Variants in MEGF11 observed in about 807,000 individuals in gnomAD.
The protein encoded by MEGF11 is multiple epidermal growth factor-like domains protein 11.
A neutral mutation model predicts 146.6 loss-of-function variants in MEGF11; 126 were observed. The ratio of observed to expected loss-of-function variants is 0.86; its 90% CI spans 0.74 to 1.00. The LOEUF (loss-of-function observed/expected upper bound fraction) is 1.00, where lower values mean the gene tolerates loss of function less well. MEGF11 is among the 50% of genes least tolerant of loss of function. The probability of loss-of-function intolerance (pLI) is 0.00; values close to 1 mark genes in which losing one functional copy is unlikely to be tolerated. For synonymous variants in MEGF11, 532 were observed against 583.4 expected (o/e 0.91, Z 1.27); for missense variants, 1,509 against 1,521.2 (o/e 0.99, Z 0.13).
intron 5 of MEGF11, among the ~76,000 whole-genome samples, chr15:66,017,866 G>A (rs1012146139): frequency 2.0e-5 from 3 of 152,236 alleles, no homozygotes; most frequent in African/African-American, 7.2e-5. Flanking sequence ...AAGGACTGGG[G>A]TGCTGATCTA....
chr15:66,037,294 C>T (rs2083762116), intron 5 of MEGF11, among the ~76,000 whole-genome samples: 8 of 152,178 alleles, frequency 5.3e-5, no homozygotes, highest in Admixed American at 5.2e-4. Context: ...GTCAATGAAC[C>T]AATAAGCATT....
At chr15:66,029,206 G>T (rs1003242375) in intron 5 of MEGF11, among the ~76,000 whole-genome samples, 2 of 152,014 alleles carry the variant, frequency 1.3e-5, no homozygotes, top group Non-Finnish European at 2.9e-5. Flanking sequence ...TTGGGGAGAG[G>T]TTAGATTTTC....
At chr15:66,153,029 C>G (rs899813748) in intron 1 of MEGF11, among the ~76,000 whole-genome samples, 8 of 152,258 alleles carry the variant, frequency 5.3e-5, no homozygotes, top group African/African-American at 9.6e-5. Flanking sequence ...TCCAACACCT[C>G]CAGCCCCACC....
At chr15:65,930,231 T>G (rs1459723662) in intron 11 of MEGF11, among the ~76,000 whole-genome samples, 3 of 152,260 alleles carry the variant, frequency 2.0e-5, no homozygotes, top group African/African-American at 7.2e-5. Context: ...TCTCCATTCT[T>G]AGGCTGGTCA....
At chr15:65,975,284 C>G (rs969966751) in intron 7 of MEGF11, among the ~76,000 whole-genome samples, 1 of 152,232 alleles carries the variant, frequency 6.6e-6, no homozygotes, top group Admixed American at 6.5e-5. Flanking sequence ...AGGCTCATGC[C>G]ACCACATCTG....
At chr15:66,196,898 A>C (rs2091022190) in intron 1 of MEGF11, among the ~76,000 whole-genome samples, 1 of 152,222 alleles carries the variant, frequency 6.6e-6, no homozygotes, top group African/African-American at 2.4e-5. Flanking sequence ...GTTTGCTAAC[A>C]GTAAGTCCTT....
chr15:66,105,340 C>T (rs1472249170), intron 4 of MEGF11, among the ~76,000 whole-genome samples: 1 of 152,050 alleles, frequency 6.6e-6, no homozygotes, highest in African/African-American at 2.4e-5. Context: ...GCCTGGCCTC[C>T]CTTCTGCAAG....
At chr15:66,081,090 T>C (rs191748201) in intron 5 of MEGF11, among the ~76,000 whole-genome samples, 43 of 152,256 alleles carry the variant, frequency 2.8e-4, no homozygotes, top group African/African-American at 9.9e-4. Context: ...CTGGACAGCA[T>C]AGGGCTCAGC....
intron 13 of MEGF11, among the ~76,000 whole-genome samples, chr15:65,927,319 G>A (rs994571068): frequency 6.6e-6 from 1 of 152,176 alleles, no homozygotes; most frequent in Non-Finnish European, 1.5e-5. Context: ...ACTTGCCCAA[G>A]GTCATAAACC....
At chr15:66,044,464 C>G (rs939695285) in intron 5 of MEGF11, among the ~76,000 whole-genome samples, 1 of 152,194 alleles carries the variant, frequency 6.6e-6, no homozygotes, top group African/African-American at 2.4e-5. Flanking sequence ...TGATGCCACA[C>G]ACAGGGCCAG....
At chr15:66,237,503 G>A (rs919796857) in intron 1 of MEGF11, among the ~76,000 whole-genome samples, 1 of 152,200 alleles carries the variant, frequency 6.6e-6, no homozygotes, top group Non-Finnish European at 1.5e-5. Flanking sequence ...TAAGGGGTAA[G>A]AAATGCCAAG....
intron 4 of MEGF11, among the ~76,000 whole-genome samples, chr15:66,105,254 G>A (rs1369110979): frequency 6.6e-6 from 1 of 152,184 alleles, no homozygotes; most frequent in Non-Finnish European, 1.5e-5. Context: ...CAGATAGAAG[G>A]AGGAGGCCCA....
At chr15:65,962,153 T>C (rs1397753430) in intron 9 of MEGF11, among the ~76,000 whole-genome samples, 2 of 152,138 alleles carry the variant, frequency 1.3e-5, no homozygotes, top group Non-Finnish European at 2.9e-5. Context: ...ATTCCTTTGC[T>C]TTTCTTGAAT....
chr15:66,190,818 C>A (rs899870037), intron 1 of MEGF11, among the ~76,000 whole-genome samples: 17 of 152,112 alleles, frequency 1.1e-4, no homozygotes, highest in Admixed American at 6.5e-4. Context: ...TTTTATTAGT[C>A]CAGGAAGGGC....
rs376032738 is a variant in MEGF11, at chr15:65,900,274, C to T, written c.3056-1340G>A. Among the ~76,000 whole-genome samples the T allele has an allele frequency of 1.6e-4, 25 of 152,278 alleles. 1 individual carries two copies. In the South Asian group the frequency reaches 5.2e-3, roughly 32 times the overall value. ...GAACTACCACAGTTTACATTTTGGG[C>T]TGCTATTTATGCTGTCTCCAATTTG... On this transcript the variant is annotated intron_variant, in intron 24 of 25. Transcript: ENST00000395614.
chr15:65,915,313 A>G (rs11631299), intron 19 of MEGF11, among the ~76,000 whole-genome samples, 157 bp downstream of exon 19: 9,597 of 152,236 alleles, frequency 0.063, 425 homozygotes, highest in Non-Finnish European at 0.092. Flanking sequence ...ATGCCTCTTC[A>G]GCACTTGGAG....
At chr15:66,000,235 G>A (rs1005904244) in intron 5 of MEGF11, among the ~76,000 whole-genome samples, 1 of 152,202 alleles carries the variant, frequency 6.6e-6, no homozygotes, top group African/African-American at 2.4e-5. Context: ...GCACTGAGGG[G>A]TCTAGGGAAT....
rs114363308 is a variant in MEGF11 at position 66,204,128 on chromosome 15, G to A, written c.-9+49477C>T. On this transcript the variant is annotated intron_variant, in intron 1 of 25. Coordinates refer to ENST00000395614, the MANE Select transcript of MEGF11 (RefSeq NM_001385028.1). ...TCTACAAAAAAGATAATAGTCAGAT[G>A]CTGTGGCTCACACCTGTAATTACAG... is the stretch of plus-strand genomic sequence containing the variant. Among the ~76,000 whole-genome samples, 962 of 152,168 alleles carry A rather than the reference G, an allele frequency of 6.3e-3. 10 individuals carry two copies. Among genetic ancestry groups the A allele is most frequent in the African/African-American group, 0.022 (917 of 41,524 alleles).
At chr15:66,249,963 C>A (rs556740964) in intron 1 of MEGF11, among the ~76,000 whole-genome samples, 1 of 152,206 alleles carries the variant, frequency 6.6e-6, no homozygotes, top group African/African-American at 2.4e-5. Flanking sequence ...GGATTCTATA[C>A]GGGCTGGGCC....
Sources: allele counts gnomAD v4.1 joint callset (sites outside exome capture counted in the v4.1 genomes callset), GRCh38; gene constraint gnomAD v4.1.1; transcripts MANE v1.5; gene names NCBI Gene and HGNC (gene_info 2026-07-23, HGNC 2026-07-21).